The following PTPN5 variants were observed in gnomAD, a reference collection of about 807,000 sequenced individuals.
PTPN5 encodes tyrosine-protein phosphatase non-receptor type 5.
PTPN5 carries 29 observed loss-of-function variants against 73.9 expected under a neutral mutation model. The ratio of observed to expected loss-of-function variants is 0.39; its 90% CI spans 0.29 to 0.54. The LOEUF is 0.54. PTPN5 is among the 20% of genes least tolerant of loss of function. The pLI is 0.65. For missense variants in PTPN5, 652 were observed against 751.4 expected (o/e 0.87, Z 1.55); for synonymous variants, 267 against 304.7 (o/e 0.88, Z 1.29).
chr11:18,759,487 A>G (rs77881590), intron 3 of PTPN5, among the ~76,000 whole-genome samples: 1,992 of 152,292 alleles, frequency 0.013, 30 homozygotes, highest in African/African-American at 0.035. Flanking sequence ...GGTGTCTGAG[A>G]ATAGTTAGCC....
chr11:18,766,612 G>A (rs553388768), intron 2 of PTPN5, among the ~76,000 whole-genome samples: 1 of 152,296 alleles, frequency 6.6e-6, no homozygotes, highest in Admixed American at 6.5e-5. Context: ...GAGTATGGGG[G>A]TCTAGTTTTT....
rs1284256520 is a variant in PTPN5 at position 18,729,290 on chromosome 11, C to A, written c.1604+163G>T. The stretch of plus-strand genomic sequence containing the variant: ...CTGGCCCCCCACTGTCTGGATCCTG[C>A]CCCTCTACCCAGCTGTCCTCGCTAC... On this transcript the variant is annotated intron_variant, in intron 14 of 14. Transcript: ENST00000358540. This position sits in a 1 kb window ranked among gnomAD's most constrained non-coding sequence, Gnocchi z 5.2. 6.6e-6 allele frequency among the ~76,000 whole-genome samples: 1 copy of A among 152,158 alleles called. No homozygotes were observed. Among genetic ancestry groups the A allele is most frequent in the Non-Finnish European group, 1.5e-5 (1 of 68,032 alleles).
chr11:18,775,881 C>T (rs963248743), intron 1 of PTPN5, among the ~76,000 whole-genome samples: 3 of 152,150 alleles, frequency 2.0e-5, no homozygotes, highest in African/African-American at 7.2e-5. Flanking sequence ...GCGCTCACAG[C>T]ATCAGGGAAA....
chr11:18,753,155 G>A (rs975770247), intron 3 of PTPN5, among the ~76,000 whole-genome samples: 1 of 152,206 alleles, frequency 6.6e-6, no homozygotes, highest in Admixed American at 6.5e-5. Flanking sequence ...CCAGGTGACA[G>A]GAAGTGAACT....
chr11:18,776,564 C>T (rs1195952013), intron 1 of PTPN5, among the ~76,000 whole-genome samples: 2 of 152,096 alleles, frequency 1.3e-5, no homozygotes, highest in South Asian at 2.1e-4. Flanking sequence ...GCACTGCACA[C>T]GTATGACATC....
chr11:18,770,045 A>G (rs1487958114), intron 2 of PTPN5, among the ~76,000 whole-genome samples: 1 of 152,128 alleles, frequency 6.6e-6, no homozygotes, highest in Non-Finnish European at 1.5e-5. Context: ...TGTAACACGA[A>G]GTGGGGGAGC....
chr11:18,787,063 C>T (rs1472499372), intron 1 of PTPN5, among the ~76,000 whole-genome samples: 1 of 152,204 alleles, frequency 6.6e-6, no homozygotes, highest in Non-Finnish European at 1.5e-5. Flanking sequence ...CATTGTTTTA[C>T]AGTCATTTCA....
At chr11:18,782,448 G>A (rs923256985) in intron 1 of PTPN5, among the ~76,000 whole-genome samples, 3 of 152,042 alleles carry the variant, frequency 2.0e-5, no homozygotes, top group Non-Finnish European at 4.4e-5. Context: ...GGCTGGTCTC[G>A]AACTCCTGAC....
intron 3 of PTPN5, among the ~76,000 whole-genome samples, chr11:18,756,093 T>C (rs1240672357): frequency 6.6e-6 from 1 of 151,480 alleles, no homozygotes. Context: ...GGTAGGCTAG[T>C]GACTGGTCCT....
intron 8 of PTPN5, 71 bp from the exon 9 acceptor site, chr11:18,738,035 GCCC>G: frequency 7.8e-7 from 1 of 1,281,160 alleles, no homozygotes; most frequent in Non-Finnish European, 1.1e-6. Flanking sequence ...GGGCTGCTGT[GCCC>G]CCAACTCCTA....
chr11:18,762,678 A>G (rs929236805), intron 3 of PTPN5, among the ~76,000 whole-genome samples: 1 of 152,202 alleles, frequency 6.6e-6, no homozygotes, highest in African/African-American at 2.4e-5. Context: ...CCTTAATAGC[A>G]AATGTCTGTA....
intron 1 of PTPN5, among the ~76,000 whole-genome samples, chr11:18,781,655 T>G (rs1851436638): frequency 6.6e-6 from 1 of 152,122 alleles, no homozygotes; most frequent in African/African-American, 2.4e-5. Context: ...GAATATATTT[T>G]GTATTTTAAA....
intron 12 of PTPN5, 119 bp downstream of exon 12, chr11:18,732,473 G>A: frequency 1.4e-6 from 1 of 731,142 alleles, no homozygotes; most frequent in Admixed American, 2.2e-5. Context: ...AGAAAATCTG[G>A]GAGTGACACT....
chr11:18,775,737 C>T (rs1851117971), intron 1 of PTPN5, among the ~76,000 whole-genome samples: 1 of 152,194 alleles, frequency 6.6e-6, no homozygotes, highest in Non-Finnish European at 1.5e-5. Context: ...ATCTGAATCT[C>T]AGTAGCTCCA....
In PTPN5 at chr11:18,729,847, G is replaced by A. The variant is rs769449601; in HGVS notation, c.1330-29C>T. Reference sequence around the variant, plus strand: ...TCGAGGAGACAGAGGCCCACCCCAGGTATGTGTGAACTCTTTCAGCTCACA... The same window carrying A: ...TCGAGGAGACAGAGGCCCACCCCAGATATGTGTGAACTCTTTCAGCTCACA... On this transcript the variant is annotated intron_variant, in intron 12 of 14. Transcript: ENST00000358540. This position sits in a 1 kb window ranked among gnomAD's most constrained non-coding sequence, Gnocchi z 5.2. 1.7e-5 allele frequency: 27 copies of A among 1,613,902 alleles called. No homozygotes were observed. The highest frequency in any genetic ancestry group is 2.2e-5 in the Non-Finnish European group (26 of 1,179,934).
In PTPN5 at chr11:18,772,014, A is replaced by C; in HGVS notation, c.-56T>G. 18 of 1,387,302 alleles carry C rather than the reference A, an allele frequency of 1.3e-5. No homozygotes were observed. The highest frequency in any genetic ancestry group is 1.7e-5 in the Non-Finnish European group (17 of 1,019,554). 85.9% of individuals were successfully genotyped at this position (1,387,302 alleles called of 1,614,324 possible). ...ATCTTCCAGGGCAGGAAGCTTTCTC[A>C]GCAAAAAGCAAGCTGGTGATATAAA... is the stretch of plus-strand genomic sequence containing the variant. On this transcript the variant is annotated 5_prime_UTR_variant, in exon 2 of 15. Coordinates refer to ENST00000358540, the MANE Select transcript of PTPN5 (RefSeq NM_006906.2).
At chr11:18,741,294 C>T (rs548266146) in intron 7 of PTPN5, among the ~76,000 whole-genome samples, 107 of 152,284 alleles carry the variant, frequency 7.0e-4, no homozygotes, top group African/African-American at 2.4e-3. Flanking sequence ...GGCCAGGACC[C>T]CCGCTGTCAG....
intron 3 of PTPN5, among the ~76,000 whole-genome samples, chr11:18,751,059 G>T (rs571236314): frequency 6.6e-6 from 1 of 152,270 alleles, no homozygotes; most frequent in Admixed American, 6.5e-5. Context: ...GAGTCTAGAA[G>T]GAATACACCC....
At position 18,771,999 on chromosome 11, in the gene PTPN5, G is replaced by A; in HGVS notation, c.-41C>T. 1 of 1,519,536 alleles carries A rather than the reference G, an allele frequency of 6.6e-7. No homozygotes were observed. The highest frequency in any genetic ancestry group is 8.8e-7 in the Non-Finnish European group (1 of 1,134,814). The allele number at this position is 1,519,536 out of a possible 1,614,324, so 94.1% of individuals were successfully genotyped here. A position where few individuals can be genotyped will look rare whatever the true frequency, so the allele number is the denominator to read the frequency against. ...ATGGGGAAGGGTGCCATCTTCCAGG[G>A]CAGGAAGCTTTCTCAGCAAAAAGCA... On this transcript the variant is annotated 5_prime_UTR_variant, in exon 2 of 15. Transcript: ENST00000358540.
Sources: gnomAD v4.1 joint callset for allele counts (sites outside exome capture counted in the v4.1 genomes callset) on GRCh38, gnomAD v4.1.1 for gene constraint, Gnocchi (gnomAD v3.1) non-coding constraint, MANE v1.5 for transcripts, NCBI Gene and HGNC (gene_info 2026-07-23, HGNC 2026-07-21) for gene names.